The following PKD2L2 variants were observed in gnomAD, a reference collection of about 807,000 sequenced individuals.
The protein encoded by PKD2L2 is polycystin 2 like 2, transient receptor potential cation channel, also known as polycystin-2-like protein 2.
PKD2L2 carries 67 observed loss-of-function variants against 83.9 expected under a neutral mutation model. The ratio of observed to expected loss-of-function variants is 0.80; its 90% CI spans 0.66 to 0.98. The LOEUF (loss-of-function observed/expected upper bound fraction) is 0.98. Ranked by LOEUF, PKD2L2 falls within the 50% of genes least tolerant of loss-of-function variation. The pLI, the probability that PKD2L2 is intolerant of heterozygous loss-of-function variation, is 0.00. For missense variants in PKD2L2, 632 were observed against 717.2 expected (o/e 0.88, Z 1.36); for synonymous variants, 223 against 237.8 (o/e 0.94, Z 0.57).
At chr5:137,921,563 C>A in intron 8 of PKD2L2, 73 bp from the exon 9 acceptor site, 2 of 899,140 alleles carry the variant, frequency 2.2e-6, no homozygotes, top group Non-Finnish European at 3.5e-6. Flanking sequence ...CTCTTAGAGA[C>A]ATTAGTAACT....
chr5:137,910,355 G>C (rs946607898), intron 8 of PKD2L2, among the ~76,000 whole-genome samples: 1 of 151,846 alleles, frequency 6.6e-6, no homozygotes, highest in African/African-American at 2.4e-5. Context: ...GGGTAGTGAA[G>C]AGGAAAGGGA....
Position 137,928,736 on chromosome 5 carries a change from C to CT in PKD2L2, c.1671+2813dup, listed in dbSNP as rs1269779311. On this transcript the variant is annotated intron_variant, in intron 12 of 14. Coordinates refer to ENST00000508883, the MANE Select transcript of PKD2L2 (RefSeq NM_001300921.2). ...TGTGAGCCACTGGGCCCAGGCTTTT[C>CT]TTTTTTAAAATTACATAGTGATGGC... Among the ~76,000 whole-genome samples, 31 of 152,148 alleles carry CT rather than the reference C, an allele frequency of 2.0e-4. 1 individual carries two copies. The highest frequency in any genetic ancestry group is 2.0e-3 in the Admixed American group (30 of 15,286).
At chr5:137,912,507 C>T (rs1469915181) in intron 8 of PKD2L2, among the ~76,000 whole-genome samples, 1 of 152,014 alleles carries the variant, frequency 6.6e-6, no homozygotes, top group African/African-American at 2.4e-5. Flanking sequence ...GCTGGCATTA[C>T]AGGCATGCAC....
chr5:137,940,906 A>T (rs747377797), intron 14 of PKD2L2, among the ~76,000 whole-genome samples: 1 of 151,942 alleles, frequency 6.6e-6, no homozygotes, highest in Non-Finnish European at 1.5e-5. Context: ...TCTGCACTTC[A>T]ATTTATTTAT....
intron 4 of PKD2L2, among the ~76,000 whole-genome samples, chr5:137,897,666 A>C (rs940706691): frequency 6.6e-5 from 10 of 152,234 alleles, no homozygotes; most frequent in African/African-American, 2.4e-4. Context: ...ATTGGAAGCT[A>C]GGAGAGATCT....
At chr5:137,909,543 T>G (rs1259645241) in intron 8 of PKD2L2, among the ~76,000 whole-genome samples, 1 of 144,558 alleles carries the variant, frequency 6.9e-6, no homozygotes, top group African/African-American at 2.6e-5. Context: ...AAGAAATTTT[T>G]TTTTTTTTTT....
intron 4 of PKD2L2, among the ~76,000 whole-genome samples, chr5:137,897,675 C>T (rs567440750): frequency 1.3e-5 from 2 of 152,278 alleles, no homozygotes; most frequent in African/African-American, 4.8e-5. Flanking sequence ...TAGGAGAGAT[C>T]TGGTGTAACA....
intron 8 of PKD2L2, among the ~76,000 whole-genome samples, chr5:137,919,913 C>T (rs576614171): frequency 6.6e-6 from 1 of 152,160 alleles, no homozygotes; most frequent in Middle Eastern, 3.2e-3. Flanking sequence ...TATCAACATA[C>T]GATTAAACAT....
Position 137,920,708 on chromosome 5 carries a change from G to C in PKD2L2, c.1329-928G>C, listed in dbSNP as rs535032538. Among the ~76,000 whole-genome samples the C allele has an allele frequency of 1.9e-4, 28 of 150,358 alleles. No homozygotes were observed. In the South Asian group the frequency reaches 5.5e-3, roughly 29 times the overall value. ...GGAGGCAGAGGTTGTGGTGAGCCGA[G>C]ATCGTGCCATTGCACTCCAGCCTGG... On this transcript the variant is annotated intron_variant, in intron 8 of 14. Coordinates refer to ENST00000508883, the MANE Select transcript of PKD2L2 (RefSeq NM_001300921.2).
At chr5:137,929,710 C>T (rs1177309512) in intron 12 of PKD2L2, among the ~76,000 whole-genome samples, 2 of 151,890 alleles carry the variant, frequency 1.3e-5, no homozygotes, top group Non-Finnish European at 2.9e-5. Flanking sequence ...TATAAAGGCT[C>T]GAACATGCAA....
At chr5:137,893,519 T>A (rs1252955020) in intron 3 of PKD2L2, among the ~76,000 whole-genome samples, 1 of 152,182 alleles carries the variant, frequency 6.6e-6, no homozygotes, top group African/African-American at 2.4e-5. Context: ...CCAGTGGTGA[T>A]GACAATTTAG....
intron 8 of PKD2L2, among the ~76,000 whole-genome samples, chr5:137,914,862 TTC>T (rs1758181044): frequency 6.6e-6 from 1 of 152,218 alleles, no homozygotes; most frequent in Admixed American, 6.5e-5. Flanking sequence ...TCAAAATTTT[TTC>T]TGCCTCTATT....
intron 4 of PKD2L2, among the ~76,000 whole-genome samples, chr5:137,896,715 A>G (rs1427796812): frequency 6.6e-6 from 1 of 151,462 alleles, no homozygotes; most frequent in Non-Finnish European, 1.5e-5. Context: ...CCTGGCCTCT[A>G]TTGTTTTTCT....
At chr5:137,925,444 C>T (rs1285964115) in intron 11 of PKD2L2, among the ~76,000 whole-genome samples, 1 of 152,138 alleles carries the variant, frequency 6.6e-6, no homozygotes, top group Admixed American at 6.6e-5. Context: ...TAATATAATG[C>T]CTGCCATCCT....
intron 5 of PKD2L2, among the ~76,000 whole-genome samples, chr5:137,904,004 C>A (rs1401000610): frequency 6.6e-6 from 1 of 152,206 alleles, no homozygotes; most frequent in Non-Finnish European, 1.5e-5. Flanking sequence ...GATCCACCCG[C>A]CTTGGCCTCC....
Position 137,908,908 on chromosome 5 carries a change from A to G in PKD2L2, c.1290A>G (p.Gly430=). The change falls in exon 8 of 15, where the codon GGA becomes GGG. Residue 430 remains glycine (G), a synonymous_variant. Transcript: ENST00000508883. ...AYAQLGFLVF[G]SQVDDFSTFQ... is the part of the protein sequence containing the mutation. ...CCCAGTTAGGATTTCTTGTTTTTGGATCACAAGTTGATGACTTTTCCACTT... is the reference window on the plus strand; with the variant it reads ...CCCAGTTAGGATTTCTTGTTTTTGGGTCACAAGTTGATGACTTTTCCACTT... 1.9e-6 allele frequency: 3 copies of G among 1,609,440 alleles called. No individual in the cohort carries two copies. Among genetic ancestry groups the G allele is most frequent in the Non-Finnish European group, 2.5e-6 (3 of 1,177,124 alleles).
chr5:137,942,395 C>T lies in PKD2L2; in HGVS notation c.*29C>T. On this transcript the variant is annotated 3_prime_UTR_variant, in exon 15 of 15. Coordinates refer to ENST00000508883, the MANE Select transcript of PKD2L2 (RefSeq NM_001300921.2). ...GTTTCCTTTTTTAGAGACAGAGTCT[C>T]ACTCTGTCGCCCAGGCTGGAACAGC... 4.1e-6 allele frequency: 1 copy of T among 241,512 alleles called. No homozygotes were observed. Among genetic ancestry groups the T allele is most frequent in the Non-Finnish European group, 8.0e-6 (1 of 124,864 alleles). 15.0% of individuals were successfully genotyped at this position (241,512 alleles called of 1,614,324 possible). A position where few individuals can be genotyped will look rare whatever the true frequency, so the allele number is the denominator to read the frequency against.
rs759318916 is a variant in PKD2L2, at chr5:137,918,969, A to AGTGT, written c.1329-2652_1329-2649dup. Among the ~76,000 whole-genome samples the AGTGT allele has an allele frequency of 1.1e-4, 15 of 131,764 alleles. No individual in the cohort carries two copies. The South Asian group carries it at 1.1e-3, about 10-fold the overall frequency. 86.4% of individuals were successfully genotyped at this position (131,764 alleles called of 152,430 possible). On this transcript the variant is annotated intron_variant, in intron 8 of 14. Coordinates refer to ENST00000508883, the MANE Select transcript of PKD2L2 (RefSeq NM_001300921.2). ...ATGTGTGTGTGTGTGTGTGTGTGTGAGTGTGTGTGTGTGTGTGTAGGGAGA... is the reference window on the plus strand; with the variant it reads ...ATGTGTGTGTGTGTGTGTGTGTGTGAGTGTGTGTGTGTGTGTGTGTGTAGGGAGA...
At chr5:137,902,731 G>A (rs1757068449) in intron 5 of PKD2L2, among the ~76,000 whole-genome samples, 1 of 152,068 alleles carries the variant, frequency 6.6e-6, no homozygotes, top group South Asian at 2.1e-4. Context: ...CACAGTTGCT[G>A]CTTGTACACA....
Sources: gnomAD v4.1 joint callset for allele counts (sites outside exome capture counted in the v4.1 genomes callset) on GRCh38, gnomAD v4.1.1 for gene constraint, MANE v1.5 for transcripts, NCBI Gene and HGNC (gene_info 2026-07-23, HGNC 2026-07-21) for gene names.